Variants in DGCR2 observed in about 807,000 individuals in gnomAD.
The protein encoded by DGCR2 is DiGeorge syndrome critical region gene 2, also known as integral membrane protein DGCR2/IDD.
DGCR2 carries 24 observed loss-of-function variants against 51.6 expected under a neutral mutation model. The ratio of observed to expected loss-of-function variants is 0.47; its 90% CI spans 0.34 to 0.65. The LOEUF is 0.65. Among genes scored for constraint, DGCR2 ranks in the 30% least tolerant of loss-of-function variants. The probability of loss-of-function intolerance (pLI) is 0.01; values close to 1 mark genes in which losing one functional copy is unlikely to be tolerated. For synonymous variants in DGCR2, 340 were observed against 315.4 expected, an observed-to-expected ratio of 1.08 and a Z score of -0.82; for missense variants, 765 against 772.1, an observed-to-expected ratio of 0.99 and a Z score of 0.11.
chr22:19,060,859 C>T (rs769479128), intron 5 of DGCR2: 2 of 516,218 alleles, frequency 3.9e-6, no homozygotes, highest in Admixed American at 3.9e-5. Context: ...CACAGGAACC[C>T]TGCGGAAACG....
At chr22:19,068,724 C>T (rs1431276566) in intron 2 of DGCR2, among the ~76,000 whole-genome samples, 1 of 152,248 alleles carries the variant, frequency 6.6e-6, no homozygotes, top group Non-Finnish European at 1.5e-5. Context: ...CTGCTGGTCC[C>T]CCATGGCTGT....
chr22:19,117,603 G>GT (rs2083386828), intron 1 of DGCR2, among the ~76,000 whole-genome samples: 1 of 152,212 alleles, frequency 6.6e-6, no homozygotes, highest in African/African-American at 2.4e-5. Flanking sequence ...AGCAATGTGT[G>GT]TGAGTACACA....
At chr22:19,063,776 C>A (rs1469117483) in intron 4 of DGCR2, among the ~76,000 whole-genome samples, 1 of 152,116 alleles carries the variant, frequency 6.6e-6, no homozygotes, top group East Asian at 1.9e-4. Flanking sequence ...ATGAGCTAAA[C>A]CGGTAAAGCT....
chr22:19,100,664 T>TA (rs34517547), intron 1 of DGCR2, among the ~76,000 whole-genome samples: 94,909 of 144,674 alleles, frequency 0.66, 31,676 homozygotes, highest in South Asian at 0.81. Context: ...AGACTCCGTT[T>TA]AAAAAAAAAA....
In DGCR2 at chr22:19,048,468, C is replaced by G; in HGVS notation, c.978G>C (p.Glu326Asp). The change falls in exon 7 of 10, where the codon GAG (glutamate) becomes GAC (aspartate). Residue 326 changes from glutamate (E) to aspartate (D), a missense_variant. Coordinates refer to ENST00000263196, the MANE Select transcript of DGCR2 (RefSeq NM_005137.3). ...GCQQYRKDPKECCKFMCLDPD... is the reference protein window; with the variant it reads ...GCQQYRKDPKDCCKFMCLDPD... ...GGTCCAGACACATGAACTTGCAGCA[C>G]TCTTTGGGGTCCTTGCGGTACTGTT... is the stretch of plus-strand genomic sequence containing the variant. The G allele has an allele frequency of 6.2e-7, 1 of 1,614,230 alleles. No individual in the cohort carries two copies. The highest frequency in any genetic ancestry group is 8.5e-7 in the Non-Finnish European group (1 of 1,180,040).
At chr22:19,076,050 C>G (rs2082872079) in intron 2 of DGCR2, among the ~76,000 whole-genome samples, 2 of 151,960 alleles carry the variant, frequency 1.3e-5, no homozygotes, top group Admixed American at 1.3e-4. Context: ...CCTCCGTCTC[C>G]CAGGCTCAAG....
intron 1 of DGCR2, among the ~76,000 whole-genome samples, chr22:19,116,245 C>T (rs1365701130): frequency 1.3e-5 from 2 of 152,190 alleles, no homozygotes; most frequent in African/African-American, 4.8e-5. Context: ...CCTGAGCTTC[C>T]CCATCTCCCA....
At chr22:19,108,975 G>A (rs1435816985) in intron 1 of DGCR2, among the ~76,000 whole-genome samples, 1 of 152,038 alleles carries the variant, frequency 6.6e-6, no homozygotes, top group African/African-American at 2.4e-5. Flanking sequence ...AGGTTTCAGG[G>A]AGTTACGATT....
chr22:19,086,072 A>C (rs894492942), intron 2 of DGCR2, among the ~76,000 whole-genome samples: 21 of 152,238 alleles, frequency 1.4e-4, no homozygotes, highest in African/African-American at 5.1e-4. Context: ...AAAAAAAATC[A>C]CAAGATTTAG....
intron 7 of DGCR2, among the ~76,000 whole-genome samples, chr22:19,043,037 C>G (rs529823558): frequency 1.3e-5 from 2 of 152,170 alleles, no homozygotes; most frequent in Non-Finnish European, 2.9e-5. Flanking sequence ...ACGCACCAAG[C>G]GCAGGTGTAG....
intron 1 of DGCR2, among the ~76,000 whole-genome samples, chr22:19,116,926 T>C (rs117500388): frequency 0.013 from 1,924 of 151,342 alleles, 14 homozygotes; most frequent in Non-Finnish European, 0.022. Context: ...CACCTGCCAC[T>C]ACTGCTAAGA....
At chr22:19,073,427 AAG>A (rs2082838747) in intron 2 of DGCR2, among the ~76,000 whole-genome samples, 1 of 152,166 alleles carries the variant, frequency 6.6e-6, no homozygotes, top group Non-Finnish European at 1.5e-5. Context: ...CCCAATAATA[AAG>A]AGTTCCAGAA....
chr22:19,083,843 C>T (rs1601253787), intron 2 of DGCR2, among the ~76,000 whole-genome samples: 1 of 150,666 alleles, frequency 6.6e-6, no homozygotes, highest in Admixed American at 6.6e-5. Flanking sequence ...CTCAGCCTGC[C>T]GAGTGCCTGC....
At chr22:19,044,820 T>TC (rs2082471248) in intron 7 of DGCR2, among the ~76,000 whole-genome samples, 2 of 152,272 alleles carry the variant, frequency 1.3e-5, no homozygotes, top group South Asian at 4.1e-4. Flanking sequence ...AAGCCATTTT[T>TC]CAATAGCATT....
At chr22:19,045,214 C>T (rs2082475769) in intron 7 of DGCR2, 1 of 152,252 alleles carries the variant, frequency 6.6e-6, no homozygotes, top group African/African-American at 2.4e-5. Context: ...GAAAGACTAT[C>T]CTTTCTCCAC....
At chr22:19,111,851 TATTTATTTA>T (rs796953613) in intron 1 of DGCR2, among the ~76,000 whole-genome samples, 5 of 139,790 alleles carry the variant, frequency 3.6e-5, no homozygotes, top group Non-Finnish European at 4.6e-5. Flanking sequence ...TTTTATTTTT[TATTTATTTA>T]TTTTTTTTTG....
Position 19,085,105 on chromosome 22 carries a change from G to GAAA in DGCR2, c.202+4260_202+4262dup, listed in dbSNP as rs111548476. Reference sequence around the variant, plus strand: ...TACTAAGAAAAATTCTCCTGCCTTGGAAAAAAAAAAAAAAACAAAGATGGT... The same window carrying GAAA: ...TACTAAGAAAAATTCTCCTGCCTTGGAAAAAAAAAAAAAAAAAACAAAGATGGT... On this transcript the variant is annotated intron_variant, in intron 2 of 9. Transcript: ENST00000263196. Among the ~76,000 whole-genome samples, 1,150 of 137,570 alleles carry GAAA rather than the reference G, an allele frequency of 8.4e-3. 23 individuals carry two copies. The highest frequency in any genetic ancestry group is 0.027 in the African/African-American group (1,029 of 37,914). The allele number at this position is 137,570 out of a possible 152,430, so 90.3% of individuals were successfully genotyped here. A position where few individuals can be genotyped will look rare whatever the true frequency, so the allele number is the denominator to read the frequency against.
intron 1 of DGCR2, among the ~76,000 whole-genome samples, chr22:19,095,478 G>C (rs5992367): frequency 6.6e-6 from 1 of 151,700 alleles, no homozygotes; most frequent in Non-Finnish European, 1.5e-5. Context: ...TGGCTAACAC[G>C]GTGAAACCCC....
intron 9 of DGCR2, among the ~76,000 whole-genome samples, 181 bp from the exon 10 acceptor site, chr22:19,039,302 T>C (rs1601494509): frequency 6.8e-6 from 1 of 147,670 alleles, no homozygotes; most frequent in Non-Finnish European, 1.5e-5. Flanking sequence ...CTGCCCCACA[T>C]GACACCTGTT....
Sources: allele counts gnomAD v4.1 joint callset (sites outside exome capture counted in the v4.1 genomes callset), GRCh38; gene constraint gnomAD v4.1.1; transcripts MANE v1.5; gene names NCBI Gene and HGNC (gene_info 2026-07-23, HGNC 2026-07-21).